Variants in DPYSL3 observed in about 807,000 individuals in gnomAD.
DPYSL3 encodes the protein dihydropyrimidinase like 3.
In DPYSL3, 16 loss-of-function variants were observed where a neutral mutation model predicts 66.1. That is an observed-to-expected ratio of 0.24 (90% confidence interval 0.16 to 0.37). The LOEUF is 0.37. Ranked by LOEUF, DPYSL3 falls within the 10% of genes least tolerant of loss-of-function variation. DPYSL3 has a pLI of 1.00. For missense variants in DPYSL3, 738 were observed against 916.2 expected (o/e 0.81, Z 2.51); for synonymous variants, 338 against 345.1 (o/e 0.98, Z 0.23).
chr5:147,453,857 T>C (rs1485827349), intron 1 of DPYSL3: 4 of 837,866 alleles, frequency 4.8e-6, no homozygotes, highest in East Asian at 3.4e-5. Flanking sequence ...GTTTTTTTTT[T>C]TCTTTTGCTG....
intron 1 of DPYSL3, among the ~76,000 whole-genome samples, chr5:147,494,555 C>T: frequency 6.6e-6 from 1 of 151,492 alleles, no homozygotes. Flanking sequence ...CACTATAGAG[C>T]TTATGGATGT....
At chr5:147,498,839 G>T (rs1753560673) in intron 1 of DPYSL3, among the ~76,000 whole-genome samples, 1 of 151,990 alleles carries the variant, frequency 6.6e-6, no homozygotes, top group African/African-American at 2.4e-5. Context: ...ATAGATGCTG[G>T]ATATTAGACC....
rs1048130010 is a variant in DPYSL3, at chr5:147,425,040, T to C, written c.382-77A>G. 5 of 1,151,302 alleles carry C rather than the reference T, an allele frequency of 4.3e-6. No homozygotes were observed. In the African/African-American group the frequency reaches 4.6e-5, roughly 11 times the overall value. The allele number at this position is 1,151,302 out of a possible 1,614,324, so 71.3% of individuals were successfully genotyped here. On this transcript the variant is annotated intron_variant, in intron 1 of 13. Transcript: ENST00000343218. ...GAGTGATCTGCCAAGGTTTTCCCAATTCATTGTTCTAGATGTCTAGTAGAA... is the reference window on the plus strand; with the variant it reads ...GAGTGATCTGCCAAGGTTTTCCCAACTCATTGTTCTAGATGTCTAGTAGAA...
At chr5:147,405,395 G>T (rs1758301596) in intron 8 of DPYSL3, among the ~76,000 whole-genome samples, 1 of 152,176 alleles carries the variant, frequency 6.6e-6, no homozygotes, top group African/African-American at 2.4e-5. Flanking sequence ...TGTCATCTTG[G>T]ACAACTCATC....
In DPYSL3 at chr5:147,402,638, C is replaced by T. The variant is rs554448187; in HGVS notation, c.1154-942G>A. The stretch of plus-strand genomic sequence containing the variant: ...CTGGGATTACAGGCGTGAGCCACCG[C>T]GCCCGGCCTATGACTTTTTTTTTTA... On this transcript the variant is annotated intron_variant, in intron 8 of 13. Coordinates refer to ENST00000343218, the MANE Select transcript of DPYSL3 (RefSeq NM_001197294.2). Among the ~76,000 whole-genome samples, 16 of 135,734 alleles carry T rather than the reference C, an allele frequency of 1.2e-4. No individual in the cohort carries two copies. The South Asian group carries it at 2.1e-3, about 18-fold the overall frequency. The allele number at this position is 135,734 out of a possible 152,430, so 89.0% of individuals were successfully genotyped here.
intron 9 of DPYSL3, 50 bp from the exon 10 acceptor site, chr5:147,400,883 C>A: frequency 6.3e-7 from 1 of 1,592,184 alleles, no homozygotes; most frequent in South Asian, 1.2e-5. Context: ...GCTGGAGGCA[C>A]ACTGGGAGCT....
At chr5:147,471,953 C>T (rs1196420694) in intron 1 of DPYSL3, among the ~76,000 whole-genome samples, 2 of 152,254 alleles carry the variant, frequency 1.3e-5, no homozygotes, top group African/African-American at 2.4e-5. Context: ...TCTCAGGCTT[C>T]GAGGTTTCTG....
At chr5:147,501,478 A>ATTTTTTT (rs749216433) in intron 1 of DPYSL3, among the ~76,000 whole-genome samples, 1 of 91,080 alleles carries the variant, frequency 1.1e-5, no homozygotes, top group African/African-American at 4.4e-5. Context: ...GGTGATAATG[A>ATTTTTTT]TTTTTTTTTT....
chr5:147,492,058 A>C (rs1179992701), intron 1 of DPYSL3, among the ~76,000 whole-genome samples: 5 of 152,094 alleles, frequency 3.3e-5, no homozygotes, highest in Non-Finnish European at 5.9e-5. Context: ...TAGGGGGGGA[A>C]ATACCTTCCC....
chr5:147,400,467 C>G (rs752994871), intron 10 of DPYSL3, among the ~76,000 whole-genome samples: 1 of 152,228 alleles, frequency 6.6e-6, no homozygotes, highest in Non-Finnish European at 1.5e-5. Flanking sequence ...CTAGTCCTAA[C>G]AGTCTAGATA....
In DPYSL3 at chr5:147,434,570, T is replaced by C. The variant is rs144467144; in HGVS notation, c.382-9607A>G. On this transcript the variant is annotated intron_variant, in intron 1 of 13. Coordinates refer to ENST00000343218, the MANE Select transcript of DPYSL3 (RefSeq NM_001197294.2). ...AGTTTAATAATTCATTCCTGAAACATATGCTAGTGTAACTACTAGCCATGA... is the reference window on the plus strand; with the variant it reads ...AGTTTAATAATTCATTCCTGAAACACATGCTAGTGTAACTACTAGCCATGA... 1.1e-3 allele frequency among the ~76,000 whole-genome samples: 164 copies of C among 152,302 alleles called. 2 individuals are homozygous for C. The highest frequency in any genetic ancestry group is 3.8e-3 in the African/African-American group (158 of 41,554).
At chr5:147,420,147 G>A (rs1581184032) in intron 2 of DPYSL3, among the ~76,000 whole-genome samples, 1 of 152,114 alleles carries the variant, frequency 6.6e-6, no homozygotes, top group East Asian at 1.9e-4. Flanking sequence ...GACTGGATGT[G>A]GGCTATCTGG....
intron 1 of DPYSL3, among the ~76,000 whole-genome samples, chr5:147,441,686 G>T: frequency 6.6e-6 from 1 of 152,078 alleles, no homozygotes; most frequent in East Asian, 1.9e-4. Context: ...CTATTTTACC[G>T]TATGACCTTG....
intron 1 of DPYSL3, among the ~76,000 whole-genome samples, chr5:147,439,441 T>C (rs1362873471): frequency 1.3e-5 from 2 of 150,960 alleles, no homozygotes; most frequent in East Asian, 3.9e-4. Context: ...AATGGGAGGA[T>C]GGCTGATGCT....
At chr5:147,419,952 T>C (rs571356632) in intron 2 of DPYSL3, among the ~76,000 whole-genome samples, 1 of 152,312 alleles carries the variant, frequency 6.6e-6, no homozygotes, top group South Asian at 2.1e-4. Flanking sequence ...CATGAAGAGT[T>C]GCCTGGCTTG....
At chr5:147,414,085 G>A (rs942721258) in intron 4 of DPYSL3, among the ~76,000 whole-genome samples, 4 of 152,046 alleles carry the variant, frequency 2.6e-5, no homozygotes, top group South Asian at 4.2e-4. Context: ...TCCAGACCTC[G>A]GTTTCCTCAC....
intron 12 of DPYSL3, among the ~76,000 whole-genome samples, chr5:147,395,953 A>G (rs895636616): frequency 6.6e-6 from 1 of 152,182 alleles, no homozygotes; most frequent in Non-Finnish European, 1.5e-5. Flanking sequence ...AGCTTCGATC[A>G]GAAGGATCAA....
At chr5:147,427,002 T>A (rs1196077386) in intron 1 of DPYSL3, among the ~76,000 whole-genome samples, 1 of 152,214 alleles carries the variant, frequency 6.6e-6, no homozygotes, top group Non-Finnish European at 1.5e-5. Context: ...TGTTAATATG[T>A]CCACCCTCAT....
At chr5:147,502,905 A>G (rs1753635352) in intron 1 of DPYSL3, among the ~76,000 whole-genome samples, 1 of 152,082 alleles carries the variant, frequency 6.6e-6, no homozygotes, top group Non-Finnish European at 1.5e-5. Flanking sequence ...AAATGAGTAA[A>G]GACAAAAATC....
Sources: allele counts gnomAD v4.1 joint callset (sites outside exome capture counted in the v4.1 genomes callset), GRCh38; gene constraint gnomAD v4.1.1; transcripts MANE v1.5; gene names NCBI Gene and HGNC (gene_info 2026-07-23, HGNC 2026-07-21).